Variants in SPOCK1 observed in about 807,000 individuals in gnomAD.
The protein encoded by SPOCK1 is testican-1.
A neutral mutation model predicts 55.3 loss-of-function variants in SPOCK1; 23 were observed. The observed-to-expected ratio is 0.42, with a 90% CI of 0.30 to 0.59. SPOCK1 has a LOEUF of 0.59. Ranked by LOEUF, SPOCK1 falls within the 20% of genes least tolerant of loss-of-function variation. SPOCK1 has a pLI of 0.22. For missense variants in SPOCK1, 499 were observed against 552.5 expected (o/e 0.90, Z 0.97); for synonymous variants, 226 against 221.0 (o/e 1.02, Z -0.20).
intron 6 of SPOCK1, among the ~76,000 whole-genome samples, chr5:137,039,079 C>T (rs1751939341): frequency 6.6e-6 from 1 of 152,068 alleles, no homozygotes; most frequent in South Asian, 2.1e-4. Context: ...AGCTGGATCC[C>T]ATTCCAAGTG....
chr5:137,429,263 C>T (rs151286054), intron 2 of SPOCK1, among the ~76,000 whole-genome samples: 10 of 152,306 alleles, frequency 6.6e-5, no homozygotes, highest in Non-Finnish European at 1.3e-4. Context: ...TCACATATCC[C>T]GCAAAACATA....
chr5:137,131,846 C>T (rs1753885185), intron 4 of SPOCK1, among the ~76,000 whole-genome samples: 2 of 148,416 alleles, frequency 1.3e-5, no homozygotes, highest in South Asian at 4.3e-4. Context: ...GGGGCGGGCG[C>T]CTGTAGTCCC....
At chr5:137,096,157 C>A (rs1382824022) in intron 5 of SPOCK1, among the ~76,000 whole-genome samples, 1 of 152,138 alleles carries the variant, frequency 6.6e-6, no homozygotes, top group Non-Finnish European at 1.5e-5. Flanking sequence ...GTGGTTCACC[C>A]CATCCTCAGC....
rs1207429845 is a variant in SPOCK1, at chr5:136,978,203, T to TTTC, written c.*448_*450dup. 1.2e-5 allele frequency: 4 copies of TTTC among 343,138 alleles called. No homozygotes were observed. Among genetic ancestry groups the TTTC allele is most frequent in the Non-Finnish European group, 1.6e-5 (3 of 191,882 alleles). The allele number at this position is 343,138 out of a possible 1,614,324, so 21.3% of individuals were successfully genotyped here. ...TACAGTGTGGTGTATTTTTTGTTTT[T>TTTC]TTCTTTTTCACAACATCTACAGGAC... On this transcript the variant is annotated 3_prime_UTR_variant, in exon 11 of 11. Coordinates refer to ENST00000394945, the MANE Select transcript of SPOCK1 (RefSeq NM_004598.4).
intron 3 of SPOCK1, among the ~76,000 whole-genome samples, chr5:137,239,723 A>T (rs1196550501): frequency 1.3e-5 from 2 of 152,212 alleles, no homozygotes; most frequent in Non-Finnish European, 2.9e-5. Context: ...CTATAGAGAA[A>T]AAGTTTTTCC....
At chr5:137,315,950 T>C (rs1320161158) in intron 2 of SPOCK1, among the ~76,000 whole-genome samples, 1 of 152,202 alleles carries the variant, frequency 6.6e-6, no homozygotes, top group African/African-American at 2.4e-5. Flanking sequence ...CCAAGGCCAC[T>C]GGAAAGCAGA....
intron 3 of SPOCK1, among the ~76,000 whole-genome samples, chr5:137,193,984 T>G (rs1461258571): frequency 6.7e-6 from 1 of 149,736 alleles, no homozygotes; most frequent in East Asian, 1.9e-4. Context: ...AGGTAACCTA[T>G]CAGGCTACCC....
At chr5:137,169,420 G>A (rs1051768361) in intron 3 of SPOCK1, among the ~76,000 whole-genome samples, 15 of 152,096 alleles carry the variant, frequency 9.9e-5, no homozygotes, top group African/African-American at 3.6e-4. Flanking sequence ...TTGCATGCCT[G>A]TATCAAAATA....
intron 2 of SPOCK1, among the ~76,000 whole-genome samples, chr5:137,288,587 C>A (rs919913668): frequency 6.6e-6 from 1 of 152,222 alleles, no homozygotes; most frequent in African/African-American, 2.4e-5. Context: ...AGAATCAAAT[C>A]GCTAGCCTCT....
At chr5:137,069,462 G>A (rs1268693967) in intron 5 of SPOCK1, among the ~76,000 whole-genome samples, 1 of 152,188 alleles carries the variant, frequency 6.6e-6, no homozygotes, top group East Asian at 1.9e-4. Context: ...AAGCAAAAAA[G>A]AGTGTGTCCT....
intron 2 of SPOCK1, among the ~76,000 whole-genome samples, chr5:137,404,866 C>G (rs1752061845): frequency 6.6e-6 from 1 of 152,174 alleles, no homozygotes. Flanking sequence ...AAGAAATACA[C>G]TGCATCAGCA....
rs144332100 is a variant in SPOCK1 at position 137,233,390 on chromosome 5, C to T, written c.232+33620G>A. Among the ~76,000 whole-genome samples the T allele has an allele frequency of 2.9e-3, 438 of 152,242 alleles. 2 individuals carry two copies. The highest frequency in any genetic ancestry group is 0.01 in the African/African-American group (416 of 41,550). On this transcript the variant is annotated intron_variant, in intron 3 of 10. Coordinates refer to ENST00000394945, the MANE Select transcript of SPOCK1 (RefSeq NM_004598.4). ...GCACAACCTAGACCCCTAACATGTG[C>T]AGTTCACAACAGGGTTCATGTGCCT...
chr5:137,084,669 G>A (rs1039442162), intron 5 of SPOCK1, among the ~76,000 whole-genome samples: 1 of 152,010 alleles, frequency 6.6e-6, no homozygotes, highest in African/African-American at 2.4e-5. Flanking sequence ...TAGAGCCACA[G>A]AGGAGAAGGT....
At chr5:137,238,032 C>T (rs2127098256) in intron 3 of SPOCK1, among the ~76,000 whole-genome samples, 1 of 152,250 alleles carries the variant, frequency 6.6e-6, no homozygotes, top group East Asian at 1.9e-4. Context: ...AGTGTGATTC[C>T]TCCCTTTACA....
intron 3 of SPOCK1, among the ~76,000 whole-genome samples, chr5:137,223,171 G>C (rs1445083440): frequency 6.6e-6 from 1 of 152,050 alleles, no homozygotes; most frequent in Non-Finnish European, 1.5e-5. Context: ...ATGGAGACAG[G>C]AACAGACCAC....
chr5:137,131,959 G>A (rs1489774057), intron 4 of SPOCK1, among the ~76,000 whole-genome samples: 31 of 58,970 alleles, frequency 5.3e-4, no homozygotes, highest in Middle Eastern at 0.017. Flanking sequence ...GCGACAGAGC[G>A]AGACTCCGTC....
chr5:137,072,370 A>T (rs1486752455), intron 5 of SPOCK1, among the ~76,000 whole-genome samples: 1 of 152,178 alleles, frequency 6.6e-6, no homozygotes, highest in Non-Finnish European at 1.5e-5. Context: ...TATAAATACA[A>T]ACCCCTGGGG....
chr5:137,323,562 A>T (rs572964999), intron 2 of SPOCK1, among the ~76,000 whole-genome samples: 5 of 152,202 alleles, frequency 3.3e-5, no homozygotes, highest in Non-Finnish European at 5.9e-5. Context: ...GAAGGGGAAA[A>T]AAAAAATAAC....
chr5:137,319,784 A>C (rs1396054695), intron 2 of SPOCK1, among the ~76,000 whole-genome samples: 2 of 151,788 alleles, frequency 1.3e-5, no homozygotes, highest in Non-Finnish European at 2.9e-5. Flanking sequence ...TCTCTACTAA[A>C]AATACAAAAA....
Sources: allele counts gnomAD v4.1 joint callset (sites outside exome capture counted in the v4.1 genomes callset), GRCh38; gene constraint gnomAD v4.1.1; transcripts MANE v1.5; gene names NCBI Gene and HGNC (gene_info 2026-07-23, HGNC 2026-07-21).